Variants in USH2A observed in about 807,000 individuals in gnomAD.
USH2A encodes Usher syndrome 2A (autosomal recessive, mild).
A neutral mutation model predicts 538.9 loss-of-function variants in USH2A; 443 were observed. That is an observed-to-expected ratio of 0.82 (90% CI 0.76 to 0.89). The LOEUF (loss-of-function observed/expected upper bound fraction) is 0.89, where lower values mean the gene tolerates loss of function less well. Ranked by LOEUF, USH2A falls within the 40% of genes least tolerant of loss-of-function variation. The pLI is 0.00. For missense variants in USH2A, 6,633 were observed against 6,324.8 expected (o/e 1.05, Z -1.65); for synonymous variants, 2,413 against 2,273.5 (o/e 1.06, Z -1.75).
At chr1:216,125,379 G>C (rs1476649071) in intron 21 of USH2A, among the ~76,000 whole-genome samples, 1 of 152,024 alleles carries the variant, frequency 6.6e-6, no homozygotes, top group Non-Finnish European at 1.5e-5. Context: ...GTGCTATAAG[G>C]CTCCAATCTG....
chr1:216,175,150 C>T, intron 21 of USH2A, 102 bp downstream of exon 21: 1 of 1,554,718 alleles, frequency 6.4e-7, no homozygotes, highest in South Asian at 1.2e-5. Flanking sequence ...TAGTATTTCT[C>T]TAAGTAGGTA....
At chr1:216,106,073 T>C (rs1327211551) in intron 21 of USH2A, among the ~76,000 whole-genome samples, 1 of 150,500 alleles carries the variant, frequency 6.6e-6, no homozygotes, top group African/African-American at 2.4e-5. Flanking sequence ...TATTATCGTA[T>C]TGTTTTAGCA....
At chr1:215,991,496 A>G (rs939023108) in intron 35 of USH2A, among the ~76,000 whole-genome samples, 1 of 152,202 alleles carries the variant, frequency 6.6e-6, no homozygotes, top group African/African-American at 2.4e-5. Flanking sequence ...TAAAAAAAAT[A>G]AAACTGCCTT....
intron 61 of USH2A, among the ~76,000 whole-genome samples, chr1:215,696,284 G>A (rs1658805059): frequency 6.6e-6 from 1 of 152,182 alleles, no homozygotes; most frequent in African/African-American, 2.4e-5. Context: ...TCAAGGAGGA[G>A]AAGGAAGAGG....
intron 3 of USH2A, 147 bp downstream of exon 3, chr1:216,418,367 T>C (rs1372563326): frequency 1.2e-6 from 1 of 861,522 alleles, no homozygotes; most frequent in Non-Finnish European, 1.8e-6. Context: ...GTCATTTAAA[T>C]ATTTTTCTTC....
chr1:216,054,595 A>C (rs2030910053), intron 30 of USH2A, among the ~76,000 whole-genome samples: 1 of 152,136 alleles, frequency 6.6e-6, no homozygotes, highest in Non-Finnish European at 1.5e-5. Flanking sequence ...TTTAAAGCCG[A>C]GCATATTTCA....
chr1:215,797,469 G>A (rs1662179036), intron 50 of USH2A, among the ~76,000 whole-genome samples: 1 of 152,108 alleles, frequency 6.6e-6, no homozygotes, highest in Non-Finnish European at 1.5e-5. Context: ...TCAACGCCTG[G>A]TTTCAAAGTT....
intron 37 of USH2A, among the ~76,000 whole-genome samples, chr1:215,960,003 T>C (rs908957475): frequency 6.6e-6 from 1 of 152,148 alleles, no homozygotes; most frequent in Non-Finnish European, 1.5e-5. Flanking sequence ...TACTAAGACA[T>C]GGCATTGTCT....
In USH2A at chr1:215,888,434, C is replaced by A; in HGVS notation, c.8215G>T (p.Ala2739Ser). 6.2e-7 allele frequency: 1 copy of A among 1,613,070 alleles called. No individual in the cohort carries two copies. Among genetic ancestry groups the A allele is most frequent in the South Asian group, 1.1e-5 (1 of 91,020 alleles). The change falls in exon 41 of 72, where the codon GCA (alanine) becomes TCA (serine). Residue 2739 changes from alanine (A) to serine (S), a missense_variant. By Grantham distance (99) the Ala-to-Ser change is moderately conservative. Coordinates refer to ENST00000307340, the MANE Select transcript of USH2A (RefSeq NM_206933.4). ...PPVVTVLEPDAVQVTWKPPLI... is the reference protein window; with the variant it reads ...PPVVTVLEPDSVQVTWKPPLI... The stretch of plus-strand genomic sequence containing the variant: ...AATAGTCAGTATCTTACCTGGACTG[C>A]ATCGGGTTCCAGCACTGTCACCACA...
chr1:216,396,690 C>T (rs530973831), intron 3 of USH2A, among the ~76,000 whole-genome samples: 1 of 152,060 alleles, frequency 6.6e-6, no homozygotes, highest in African/African-American at 2.4e-5. Context: ...ATGACTTTTG[C>T]ATTATGACTC....
intron 55 of USH2A, among the ~76,000 whole-genome samples, chr1:215,778,537 T>C (rs553949823): frequency 5.5e-4 from 84 of 152,232 alleles, no homozygotes; most frequent in Non-Finnish European, 9.6e-4. Context: ...AAGTGATGAA[T>C]TTATTTTGCC....
At chr1:215,894,394 T>A (rs1221451457) in intron 40 of USH2A, among the ~76,000 whole-genome samples, 1 of 152,188 alleles carries the variant, frequency 6.6e-6, no homozygotes, top group African/African-American at 2.4e-5. Context: ...TAAGGGCATA[T>A]GTGCACTTAA....
At chr1:216,290,492 T>C (rs968610659) in intron 10 of USH2A, among the ~76,000 whole-genome samples, 1 of 152,162 alleles carries the variant, frequency 6.6e-6, no homozygotes, top group African/African-American at 2.4e-5. Context: ...GTAAACTAAA[T>C]ACACAATACC....
At chr1:216,076,710 A>G (rs2102552809) in intron 27 of USH2A, among the ~76,000 whole-genome samples, 1 of 152,050 alleles carries the variant, frequency 6.6e-6, no homozygotes, top group South Asian at 2.1e-4. Context: ...TTATTCATTA[A>G]CTCCTTACTA....
In USH2A at chr1:215,917,722, T is replaced by C. The variant is rs116713271; in HGVS notation, c.7301-16817A>G. ...ATTTTGGGAGGCTGAGATGGGCAGA[T>C]TGCTTGAGCCCGGGAGTTTGAGACG... is the stretch of plus-strand genomic sequence containing the variant. On this transcript the variant is annotated intron_variant, in intron 38 of 71. Coordinates refer to ENST00000307340, the MANE Select transcript of USH2A (RefSeq NM_206933.4). 7.7e-3 allele frequency among the ~76,000 whole-genome samples: 1,099 copies of C among 141,982 alleles called. 10 individuals are homozygous for C. The highest frequency in any genetic ancestry group is 0.027 in the African/African-American group (1,025 of 37,646). The allele number at this position is 141,982 out of a possible 152,430, so 93.1% of individuals were successfully genotyped here.
At chr1:215,663,638 G>C (rs1657513054) in intron 64 of USH2A, among the ~76,000 whole-genome samples, 1 of 152,124 alleles carries the variant, frequency 6.6e-6, no homozygotes, top group Admixed American at 6.5e-5. Context: ...ATAGTCCTCT[G>C]TTCTCTTGGT....
chr1:216,384,483 A>G (rs2038972900), intron 3 of USH2A, among the ~76,000 whole-genome samples: 1 of 152,192 alleles, frequency 6.6e-6, no homozygotes, highest in Non-Finnish European at 1.5e-5. Flanking sequence ...TAATTTGAGG[A>G]ATAGGCACTC....
chr1:216,292,510 T>A lies in USH2A; in HGVS notation c.1645-140A>T, dbSNP rs1032846178. On this transcript the variant is annotated intron_variant, in intron 9 of 71. Transcript: ENST00000307340. ...AGCAATGATTTTATTTGAAAAATAT[T>A]TCGTAAGTCAGAAATAGCATATTTA... The A allele has an allele frequency of 9.3e-6, 9 of 966,012 alleles. No homozygotes were observed. In the Admixed American group the frequency reaches 1.6e-4, roughly 17 times the overall value. The allele number at this position is 966,012 out of a possible 1,614,324, so 59.8% of individuals were successfully genotyped here.
In USH2A at chr1:216,207,312, C is replaced by T. The variant is rs2035136102; in HGVS notation, c.3277G>A (p.Gly1093Ser). ...TCCTCTGTTGTGTAGATTTCAAAAC[C>T]ATCCCTGAGTAAACTGTAAGTAAGC... ...HWLTYSLLRD[G>S]FEIYTTEDQY... Residue 1093 changes from glycine to serine, a missense_variant, in exon 16 of 72, where the codon GGT becomes AGT. Transcript: ENST00000307340. 2 of 1,609,200 alleles carry T rather than the reference C, an allele frequency of 1.2e-6. No individual in the cohort carries two copies. The highest frequency in any genetic ancestry group is 1.7e-6 in the Non-Finnish European group (2 of 1,177,972).
Sources: allele counts gnomAD v4.1 joint callset (sites outside exome capture counted in the v4.1 genomes callset), GRCh38; gene constraint gnomAD v4.1.1; transcripts MANE v1.5; gene names NCBI Gene and HGNC (gene_info 2026-07-23, HGNC 2026-07-21).